The following AFAP1L2 variants were observed in gnomAD, a reference collection of about 807,000 sequenced individuals.
AFAP1L2 encodes actin filament-associated protein 1-like 2.
A neutral mutation model predicts 99.3 loss-of-function variants in AFAP1L2; 46 were observed. The ratio of observed to expected loss-of-function variants is 0.46; its 90% CI spans 0.37 to 0.59. AFAP1L2 has a LOEUF of 0.59. AFAP1L2 is among the 20% of genes least tolerant of loss of function. The pLI, the probability that AFAP1L2 is intolerant of heterozygous loss-of-function variation, is 0.00. For missense variants in AFAP1L2, 959 were observed against 1,034.9 expected (o/e 0.93, Z 1.01); for synonymous variants, 397 against 419.1 (o/e 0.95, Z 0.64).
At chr10:114,393,981 C>T (rs555829027) in intron 1 of AFAP1L2, among the ~76,000 whole-genome samples, 16 of 152,316 alleles carry the variant, frequency 1.1e-4, no homozygotes, top group Admixed American at 2.6e-4. Flanking sequence ...TTCCAGGAGA[C>T]TTGGGATGGC....
intron 1 of AFAP1L2, among the ~76,000 whole-genome samples, chr10:114,394,012 G>A (rs574113416): frequency 6.6e-6 from 1 of 152,268 alleles, no homozygotes; most frequent in South Asian, 2.1e-4. Flanking sequence ...GCCCCTCACA[G>A]TGCAGGAATT....
rs541473860 is a variant in AFAP1L2, at chr10:114,352,865, T to C, written c.17-12134A>G. On this transcript the variant is annotated intron_variant, in intron 1 of 18. Coordinates refer to ENST00000304129, the MANE Select transcript of AFAP1L2 (RefSeq NM_001001936.3). ...TTCCTTTCGGCAAACAGCACGGCACTATCAACATTGCCCTAGAAGGAATAA... is the reference window on the plus strand; with the variant it reads ...TTCCTTTCGGCAAACAGCACGGCACCATCAACATTGCCCTAGAAGGAATAA... Among the ~76,000 whole-genome samples, 149 of 152,368 alleles carry C rather than the reference T, an allele frequency of 9.8e-4. 1 individual carries two copies. Among genetic ancestry groups the C allele is most frequent in the African/African-American group, 3.5e-3 (144 of 41,590 alleles).
chr10:114,329,113 C>A (rs2046862118), intron 4 of AFAP1L2, among the ~76,000 whole-genome samples: 1 of 152,160 alleles, frequency 6.6e-6, no homozygotes, highest in Non-Finnish European at 1.5e-5. Context: ...TGGGATCGTG[C>A]CATTCCTGGG....
At chr10:114,315,510 C>T (rs61869925) in intron 6 of AFAP1L2, 50 bp downstream of exon 6, 1 of 1,464,708 alleles carries the variant, frequency 6.8e-7, no homozygotes, top group Non-Finnish European at 9.1e-7. Context: ...GTCCCTGCCC[C>T]TTCCCCAAGG....
At position 114,308,488 on chromosome 10, in the gene AFAP1L2, A is replaced by G; in HGVS notation, c.912T>C (p.Ala304=). ...CATCCACGGAGCTCCCATACTCTGA[A>G]GCCGACAGGTACTTCTCAGCTATAT... ...KPDIAEKYLS[A]SEYGSSVDGH... The change falls in exon 9 of 19, where the codon GCT becomes GCC. Residue 304 remains alanine, a synonymous_variant. Coordinates refer to ENST00000304129, the MANE Select transcript of AFAP1L2 (RefSeq NM_001001936.3). 1 of 1,614,182 alleles carries G rather than the reference A, an allele frequency of 6.2e-7. No individual in the cohort carries two copies. The highest frequency in any genetic ancestry group is 8.5e-7 in the Non-Finnish European group (1 of 1,180,036).
At chr10:114,316,602 A>G (rs1187296546) in intron 5 of AFAP1L2, among the ~76,000 whole-genome samples, 1 of 152,186 alleles carries the variant, frequency 6.6e-6, no homozygotes, top group Non-Finnish European at 1.5e-5. Flanking sequence ...GATTCTACGC[A>G]TACCCCAACT....
At chr10:114,310,048 C>G (rs1426725043) in intron 8 of AFAP1L2, among the ~76,000 whole-genome samples, 1 of 152,178 alleles carries the variant, frequency 6.6e-6, no homozygotes, top group African/African-American at 2.4e-5. Flanking sequence ...CTGCCTCAGG[C>G]TCCCGAGTAG....
At chr10:114,329,540 C>T (rs2046935999) in intron 4 of AFAP1L2, among the ~76,000 whole-genome samples, 1 of 152,196 alleles carries the variant, frequency 6.6e-6, no homozygotes, top group East Asian at 1.9e-4. Flanking sequence ...GAATCAGACG[C>T]TGGATTTAGG....
intron 1 of AFAP1L2, among the ~76,000 whole-genome samples, chr10:114,355,194 G>A (rs1049649063): frequency 6.6e-5 from 10 of 151,982 alleles, no homozygotes; most frequent in Non-Finnish European, 1.3e-4. Context: ...AGCAGGCCTA[G>A]GGATGGATGC....
intron 1 of AFAP1L2, chr10:114,398,794 G>A (rs1053694375): frequency 2.3e-5 from 30 of 1,293,112 alleles, no homozygotes; most frequent in Non-Finnish European, 2.9e-5. Flanking sequence ...CTGCACCCTC[G>A]GGAGCCCTGG....
downstream of AFAP1L2, among the ~76,000 whole-genome samples, chr10:114,294,210 ATC>A (rs2039861629): frequency 6.6e-6 from 1 of 152,084 alleles, no homozygotes; most frequent in African/African-American, 2.4e-5. Flanking sequence ...GATTCTTTTA[ATC>A]TGTGTCCAAC....
intron 1 of AFAP1L2, among the ~76,000 whole-genome samples, chr10:114,381,687 T>C (rs577878684): frequency 6.6e-6 from 1 of 152,208 alleles, no homozygotes; most frequent in South Asian, 2.1e-4. Flanking sequence ...GACCACAAAA[T>C]AATTTTTAAA....
intron 4 of AFAP1L2, among the ~76,000 whole-genome samples, chr10:114,326,779 T>C (rs1285419144): frequency 1.3e-5 from 2 of 152,180 alleles, no homozygotes; most frequent in Non-Finnish European, 2.9e-5. Context: ...AGAATAGAAA[T>C]ATCTGTCACA....
At chr10:114,351,913 T>C (rs1439242281) in intron 1 of AFAP1L2, among the ~76,000 whole-genome samples, 2 of 152,190 alleles carry the variant, frequency 1.3e-5, no homozygotes, top group East Asian at 3.9e-4. Context: ...GGCTGCACCA[T>C]ATACTGGCTG....
chr10:114,373,630 C>A (rs1372992428), intron 1 of AFAP1L2, among the ~76,000 whole-genome samples: 1 of 151,862 alleles, frequency 6.6e-6, no homozygotes, highest in African/African-American at 2.4e-5. Context: ...GTCTCAAACA[C>A]CACCACCAAC....
chr10:114,345,451 T>G (rs965569579), intron 1 of AFAP1L2, among the ~76,000 whole-genome samples: 5 of 152,052 alleles, frequency 3.3e-5, no homozygotes, highest in African/African-American at 1.2e-4. Flanking sequence ...GGGAGGCCAG[T>G]TAGATAAACT....
chr10:114,356,648 AAAC>A (rs1278499838), intron 1 of AFAP1L2, among the ~76,000 whole-genome samples: 22 of 152,234 alleles, frequency 1.4e-4, no homozygotes, highest in African/African-American at 5.3e-4. Flanking sequence ...CCTCTGATTA[AAAC>A]AAAACAAAAC....
the AFAP1L2 span, chr10:114,284,974 G>A: frequency 6.3e-7 from 1 of 1,586,754 alleles, no homozygotes; most frequent in Non-Finnish European, 8.6e-7. Context: ...AACTGTGGTA[G>A]GTATGCACCG....
At chr10:114,338,814 T>C (rs1731968626) in intron 2 of AFAP1L2, among the ~76,000 whole-genome samples, 1 of 152,228 alleles carries the variant, frequency 6.6e-6, no homozygotes, top group South Asian at 2.1e-4. Context: ...TTTTGGGTGA[T>C]CAGGACGCAA....
Sources: gnomAD v4.1 joint callset for allele counts (sites outside exome capture counted in the v4.1 genomes callset) on GRCh38, gnomAD v4.1.1 for gene constraint, MANE v1.5 for transcripts, NCBI Gene and HGNC (gene_info 2026-07-23, HGNC 2026-07-21) for gene names.